The following STXBP5 variants were observed in gnomAD, a reference collection of about 807,000 sequenced individuals.
STXBP5 encodes the protein syntaxin binding protein 5.
A neutral mutation model predicts 152.4 loss-of-function variants in STXBP5; 50 were observed. That is an observed-to-expected ratio of 0.33 (90% CI 0.26 to 0.42). The LOEUF (loss-of-function observed/expected upper bound fraction) is 0.42. Among genes scored for constraint, STXBP5 ranks in the 10% least tolerant of loss-of-function variants. The pLI, the probability that STXBP5 is intolerant of heterozygous loss-of-function variation, is 1.00. For synonymous variants in STXBP5, 492 were observed against 494.7 expected, an observed-to-expected ratio of 0.99 and a Z score of 0.07; for missense variants, 1,167 against 1,388.6, an observed-to-expected ratio of 0.84 and a Z score of 2.54.
chr6:147,360,686 A>G (rs1785025866), intron 23 of STXBP5, among the ~76,000 whole-genome samples: 1 of 152,116 alleles, frequency 6.6e-6, no homozygotes, highest in South Asian at 2.1e-4. Context: ...TTCTACTTTG[A>G]AGTGTTAGGA....
chr6:147,229,457 T>C (rs988767830), intron 2 of STXBP5, among the ~76,000 whole-genome samples: 1 of 151,984 alleles, frequency 6.6e-6, no homozygotes, highest in Non-Finnish European at 1.5e-5. Context: ...TTAGGTTCTT[T>C]ATATCAGTTT....
Position 147,235,182 on chromosome 6 carries a change from A to G in STXBP5, c.249-68A>G. On this transcript the variant is annotated intron_variant, in intron 2 of 27. Transcript: ENST00000321680. Reference sequence around the variant, plus strand: ...AGGTCATTGGAATATTTATCAGCCTATTATATAACTTACCAGTTTCTCAAA... The same window carrying G: ...AGGTCATTGGAATATTTATCAGCCTGTTATATAACTTACCAGTTTCTCAAA... 3.0e-6 allele frequency: 4 copies of G among 1,329,212 alleles called. No homozygotes were observed. The South Asian group carries it at 4.8e-5, about 16-fold the overall frequency. The allele number at this position is 1,329,212 out of a possible 1,614,324, so 82.3% of individuals were successfully genotyped here. A position where few individuals can be genotyped will look rare whatever the true frequency, so the allele number is the denominator to read the frequency against.
chr6:147,315,764 CAAGTT>C (rs746184543), intron 15 of STXBP5, 29 bp downstream of exon 15: 1 of 1,579,194 alleles, frequency 6.3e-7, no homozygotes, highest in Non-Finnish European at 8.7e-7. Context: ...TTTTCATGGT[CAAGTT>C]ATTTTCATCC....
chr6:147,271,059 A>G (rs1377565375), intron 7 of STXBP5, among the ~76,000 whole-genome samples: 1 of 152,190 alleles, frequency 6.6e-6, no homozygotes, highest in African/African-American at 2.4e-5. Context: ...GTAGAAGGGA[A>G]CAAAGAATAG....
intron 19 of STXBP5, among the ~76,000 whole-genome samples, chr6:147,336,568 TAAA>T (rs913485768): frequency 6.6e-6 from 1 of 152,034 alleles, no homozygotes; most frequent in South Asian, 2.1e-4. Flanking sequence ...GATCATGTTT[TAAA>T]AAACATAAAA....
chr6:147,363,460 G>A lies in STXBP5; in HGVS notation c.2671G>A (p.Glu891Lys). 3 of 1,614,070 alleles carry A rather than the reference G, an allele frequency of 1.9e-6. No homozygotes were observed. Among genetic ancestry groups the A allele is most frequent in the East Asian group, 2.2e-5 (1 of 44,848 alleles). ...HNVPEEKDEK[E>K]KLKKRRPVSV... ...TGTTCCTGAAGAAAAAGACGAAAAGGAGAAATTGAAAAAACGGCGGCCTGT... is the reference window on the plus strand; with the variant it reads ...TGTTCCTGAAGAAAAAGACGAAAAGAAGAAATTGAAAAAACGGCGGCCTGT... Residue 891 changes from glutamate to lysine, a missense_variant, in exon 24 of 28, where the codon GAG becomes AAG. Around this residue, in one of 3 missense-constraint regions of STXBP5, gnomAD observed 833 missense variants for 986.3 expected, o/e 0.84. Transcript: ENST00000321680.
chr6:147,240,293 G>T (rs1778478558), intron 4 of STXBP5, among the ~76,000 whole-genome samples: 1 of 151,962 alleles, frequency 6.6e-6, no homozygotes, highest in Non-Finnish European at 1.5e-5. Context: ...TGATTTATAT[G>T]GAACTTATTT....
intron 2 of STXBP5, among the ~76,000 whole-genome samples, chr6:147,212,767 A>G (rs1776924284): frequency 6.6e-6 from 1 of 152,226 alleles, no homozygotes; most frequent in Admixed American, 6.5e-5. Flanking sequence ...CTTTGTTTAC[A>G]GAAGGGACCA....
At chr6:147,373,702 AAC>A (rs772198170) in intron 25 of STXBP5, 27 bp from the exon 26 acceptor site, 3 of 1,550,388 alleles carry the variant, frequency 1.9e-6, no homozygotes, top group Non-Finnish European at 2.7e-6. Flanking sequence ...CTGAAATTTC[AAC>A]AGTGACAATT....
At chr6:147,261,773 G>T (rs1174762032) in intron 5 of STXBP5, among the ~76,000 whole-genome samples, 1 of 151,840 alleles carries the variant, frequency 6.6e-6, no homozygotes, top group East Asian at 1.9e-4. Context: ...GGGAGTTTCT[G>T]AATTAGGGGT....
intron 18 of STXBP5, among the ~76,000 whole-genome samples, chr6:147,327,885 C>T (rs1192110918): frequency 1.3e-5 from 2 of 152,086 alleles, no homozygotes; most frequent in East Asian, 1.9e-4. Flanking sequence ...TGCTCCTTTT[C>T]ATTGTTTGGT....
intron 2 of STXBP5, among the ~76,000 whole-genome samples, chr6:147,233,603 C>G (rs1176779609): frequency 6.6e-6 from 1 of 151,598 alleles, no homozygotes; most frequent in East Asian, 1.9e-4. Context: ...ATAAAATATG[C>G]TGATTGGTGC....
intron 27 of STXBP5, among the ~76,000 whole-genome samples, chr6:147,383,434 T>C (rs1786191353): frequency 6.6e-6 from 1 of 152,046 alleles, no homozygotes; most frequent in South Asian, 2.1e-4. Context: ...TAAGTCCGCG[T>C]TGTGGACCAA....
At chr6:147,340,948 A>G (rs1425052648) in intron 21 of STXBP5, among the ~76,000 whole-genome samples, 5 of 152,066 alleles carry the variant, frequency 3.3e-5, no homozygotes, top group Non-Finnish European at 5.9e-5. Context: ...GTAGTTATAT[A>G]TTTTGGGGAA....
chr6:147,349,965 A>G (rs920359881), intron 21 of STXBP5, among the ~76,000 whole-genome samples: 3 of 152,220 alleles, frequency 2.0e-5, no homozygotes, highest in African/African-American at 7.2e-5. Context: ...TTATCCAAAT[A>G]TAATAGCAAT....
At chr6:147,351,458 A>T (rs1784586878) in intron 21 of STXBP5, among the ~76,000 whole-genome samples, 1 of 152,154 alleles carries the variant, frequency 6.6e-6, no homozygotes, top group African/African-American at 2.4e-5. Flanking sequence ...TATTGCACCT[A>T]TGATATGTGA....
intron 21 of STXBP5, among the ~76,000 whole-genome samples, chr6:147,346,343 G>C (rs187243036): frequency 1.2e-3 from 180 of 152,298 alleles, no homozygotes; most frequent in African/African-American, 4.0e-3. Flanking sequence ...CGACTGACTA[G>C]AGGTTCTCCA....
At chr6:147,298,862 T>G (rs1013346672) in intron 9 of STXBP5, among the ~76,000 whole-genome samples, 2 of 151,938 alleles carry the variant, frequency 1.3e-5, no homozygotes, top group African/African-American at 4.8e-5. Context: ...CAATAAATAC[T>G]TCCATCAGAA....
chr6:147,351,926 A>C (rs1784604142), intron 21 of STXBP5: 1 of 978,032 alleles, frequency 1.0e-6, no homozygotes, highest in South Asian at 4.7e-5. Context: ...CTAACAGTCC[A>C]AAATTTAACC....
Sources: allele counts gnomAD v4.1 joint callset (sites outside exome capture counted in the v4.1 genomes callset), GRCh38; gene constraint gnomAD v4.1.1; regional missense constraint gnomAD v4.1.1; transcripts MANE v1.5; gene names NCBI Gene and HGNC (gene_info 2026-07-23, HGNC 2026-07-21).